Variants in ACSL3 observed in about 807,000 individuals in gnomAD.
ACSL3 encodes the protein acyl-CoA synthetase long chain family member 3.
ACSL3 carries 34 observed loss-of-function variants against 84.7 expected under a neutral mutation model. The observed-to-expected ratio is 0.40, with a 90% confidence interval of 0.31 to 0.53. ACSL3 has a LOEUF of 0.53. ACSL3 is among the 20% of genes least tolerant of loss of function. The pLI is 0.48. For missense variants in ACSL3, 680 were observed against 873.1 expected (o/e 0.78, Z 2.79); for synonymous variants, 315 against 299.4 (o/e 1.05, Z -0.54).
chr2:222,873,268 T>G (rs1333542780), intron 1 of ACSL3, among the ~76,000 whole-genome samples: 1 of 152,204 alleles, frequency 6.6e-6, no homozygotes, highest in Non-Finnish European at 1.5e-5. Context: ...TTATGTTGAT[T>G]TTGGTATTGT....
Position 222,944,426 on chromosome 2 carries a change from T to C in ACSL3, c.*2772T>C, listed in dbSNP as rs1305360483. The C allele has an allele frequency of 6.6e-6, 1 of 152,122 alleles. No individual in the cohort carries two copies. The highest frequency in any genetic ancestry group is 2.4e-5 in the African/African-American group (1 of 41,452). 9.4% of individuals were successfully genotyped at this position (152,122 alleles called of 1,614,324 possible). A position where few individuals can be genotyped will look rare whatever the true frequency, so the allele number is the denominator to read the frequency against. On this transcript the variant is annotated 3_prime_UTR_variant, in exon 17 of 17. Coordinates refer to ENST00000357430, the MANE Select transcript of ACSL3 (RefSeq NM_004457.5). Reference sequence around the variant, plus strand: ...CAGGGGGATCCGCTTTTAAACAGTGTACATATTGGACCACACTGAAATGTC... The same window carrying C: ...CAGGGGGATCCGCTTTTAAACAGTGCACATATTGGACCACACTGAAATGTC...
chr2:222,901,899 G>A (rs934031958), intron 3 of ACSL3, among the ~76,000 whole-genome samples: 6 of 124,052 alleles, frequency 4.8e-5, no homozygotes, highest in Admixed American at 1.0e-4. Flanking sequence ...AGCCGAGATC[G>A]CGCCACTGCA....
intron 8 of ACSL3, 35 bp from the exon 9 acceptor site, chr2:222,922,673 T>C (rs781123829): frequency 7.4e-6 from 12 of 1,612,406 alleles, no homozygotes; most frequent in Non-Finnish European, 9.3e-6. Context: ...AGACGACACC[T>C]GACTTTTGTT....
intron 14 of ACSL3, among the ~76,000 whole-genome samples, chr2:222,931,014 C>T (rs991503907): frequency 6.6e-6 from 1 of 152,098 alleles, no homozygotes; most frequent in Non-Finnish European, 1.5e-5. Context: ...AAAGATGGTT[C>T]AGCAGCAGTG....
intron 8 of ACSL3, 85 bp from the exon 9 acceptor site, chr2:222,922,623 T>A (rs1448264094): frequency 2.0e-5 from 31 of 1,552,170 alleles, no homozygotes; most frequent in Non-Finnish European, 2.5e-5. Context: ...CCCTTCCATG[T>A]GCCTTCAAGC....
intron 2 of ACSL3, among the ~76,000 whole-genome samples, chr2:222,890,942 C>T (rs1319553377): frequency 6.6e-6 from 1 of 152,094 alleles, no homozygotes; most frequent in Non-Finnish European, 1.5e-5. Flanking sequence ...TGTACCTGGC[C>T]GAAAAGAGGT....
At chr2:222,900,561 T>C (rs1426304284) in intron 2 of ACSL3, 113 bp from the exon 3 acceptor site, 1 of 152,246 alleles carries the variant, frequency 6.6e-6, no homozygotes, top group Non-Finnish European at 1.5e-5. Flanking sequence ...ATGCAACCAC[T>C]GACCACCTAT....
At chr2:222,926,670 A>T (rs750653627) in intron 11 of ACSL3, among the ~76,000 whole-genome samples, 2 of 152,198 alleles carry the variant, frequency 1.3e-5, no homozygotes, top group Non-Finnish European at 2.9e-5. Flanking sequence ...TTTCATAAAG[A>T]TGATAGAATT....
chr2:222,910,003 C>T (rs1490433125), intron 4 of ACSL3, among the ~76,000 whole-genome samples: 1 of 152,220 alleles, frequency 6.6e-6, no homozygotes, highest in Non-Finnish European at 1.5e-5. Flanking sequence ...CTCATACCCT[C>T]CATTCTTCAC....
chr2:222,939,316 C>T (rs948873583), intron 16 of ACSL3, among the ~76,000 whole-genome samples: 2 of 152,114 alleles, frequency 1.3e-5, no homozygotes, highest in African/African-American at 4.8e-5. Flanking sequence ...TAAGCCTTTT[C>T]CGAGGCTGTG....
At chr2:222,888,675 A>T (rs779138708) in intron 2 of ACSL3, among the ~76,000 whole-genome samples, 1 of 152,206 alleles carries the variant, frequency 6.6e-6, no homozygotes, top group African/African-American at 2.4e-5. Flanking sequence ...AACTGTAAGC[A>T]ATGTAGGAGC....
At chr2:222,882,454 A>G (rs1004238081) in intron 1 of ACSL3, among the ~76,000 whole-genome samples, 8 of 152,104 alleles carry the variant, frequency 5.3e-5, no homozygotes, top group African/African-American at 1.9e-4. Flanking sequence ...CAGTTTTTCC[A>G]TGGACAGGGG....
intron 4 of ACSL3, among the ~76,000 whole-genome samples, chr2:222,913,409 T>A (rs1353236351): frequency 6.6e-6 from 1 of 152,196 alleles, no homozygotes; most frequent in Non-Finnish European, 1.5e-5. Context: ...TGGCTGGGAT[T>A]TGTGGGTTGG....
intron 1 of ACSL3, among the ~76,000 whole-genome samples, chr2:222,868,831 G>A (rs1431725315): frequency 4.6e-5 from 7 of 152,064 alleles, no homozygotes; most frequent in African/African-American, 1.7e-4. Context: ...TTAGCTGGGT[G>A]TGGTAGCGGG....
chr2:222,917,474 G>T (rs1462911590), intron 5 of ACSL3: 1 of 152,146 alleles, frequency 6.6e-6, no homozygotes, highest in Non-Finnish European at 1.5e-5. Context: ...AGCTTTAAAA[G>T]AATTATTTTC....
intron 7 of ACSL3, 68 bp downstream of exon 7, chr2:222,919,270 A>G (rs1269806566): frequency 2.2e-5 from 34 of 1,566,418 alleles, no homozygotes; most frequent in Non-Finnish European, 2.9e-5. Flanking sequence ...ATTATGCCAA[A>G]GTTTTGATTC....
chr2:222,933,230 A>G lies in ACSL3; in HGVS notation c.1797A>G (p.Ala599=). The G allele has an allele frequency of 6.2e-7, 1 of 1,613,990 alleles. No individual in the cohort carries two copies. Among genetic ancestry groups the G allele is most frequent in the Non-Finnish European group, 8.5e-7 (1 of 1,179,974 alleles). The change falls in exon 15 of 17, where the codon GCA becomes GCG. Residue 599 remains alanine (A), a synonymous_variant. Coordinates refer to ENST00000357430, the MANE Select transcript of ACSL3 (RefSeq NM_004457.5). ...GEYVSLGKVE[A]ALKNLPLVDN... is the part of the protein sequence containing the mutation. ...ATGTTTCTCTTGGGAAAGTAGAGGC[A>G]GCTTTGAAGAATCTTCCACTAGTAG...
chr2:222,871,603 C>T (rs1695303577), intron 1 of ACSL3, among the ~76,000 whole-genome samples: 1 of 152,106 alleles, frequency 6.6e-6, no homozygotes, highest in South Asian at 2.1e-4. Context: ...GAAGAAAATG[C>T]AGTGAATCTG....
chr2:222,878,671 A>G (rs1347630927), intron 1 of ACSL3, among the ~76,000 whole-genome samples: 2 of 152,174 alleles, frequency 1.3e-5, no homozygotes, highest in Non-Finnish European at 1.5e-5. Context: ...CTGTATTTCT[A>G]ACAATATAGT....
Sources: allele counts gnomAD v4.1 joint callset (sites outside exome capture counted in the v4.1 genomes callset), GRCh38; gene constraint gnomAD v4.1.1; transcripts MANE v1.5; gene names NCBI Gene and HGNC (gene_info 2026-07-23, HGNC 2026-07-21).